ENPP3: variants seen among roughly 807,000 people sequenced by gnomAD.
The protein encoded by ENPP3 is ectonucleotide pyrophosphatase/phosphodiesterase 3.
In ENPP3, 104 loss-of-function variants were observed where a neutral mutation model predicts 117.8. That is an observed-to-expected ratio of 0.88 (90% CI 0.75 to 1.04). ENPP3 has a LOEUF of 1.04. Ranked by LOEUF, ENPP3 falls within the 50% of genes least tolerant of loss-of-function variation. The probability of loss-of-function intolerance (pLI) is 0.00; values close to 1 mark genes in which losing one functional copy is unlikely to be tolerated. For missense variants in ENPP3, 1,026 were observed against 1,051.9 expected, an observed-to-expected ratio of 0.98 and a Z score of 0.34; for synonymous variants, 380 against 349.9, an observed-to-expected ratio of 1.09 and a Z score of -0.96.
intron 6 of ENPP3, among the ~76,000 whole-genome samples, chr6:131,668,812 C>A (rs56708439): frequency 2.0e-5 from 3 of 152,112 alleles, no homozygotes; most frequent in African/African-American, 7.2e-5. Flanking sequence ...TGGTTTATTG[C>A]GTGTCTTTCC....
Position 131,677,883 on chromosome 6 carries a change from C to A in ENPP3, c.954C>A (p.Thr318=), listed in dbSNP as rs1039675463. The A allele has an allele frequency of 1.2e-6, 2 of 1,605,534 alleles. No individual in the cohort carries two copies. The highest frequency in any genetic ancestry group is 4.5e-5 in the East Asian group (2 of 44,804). ...LPKAERPRFY[T]MYFEEPDSSG... ...TTACCCCTAGACCCAGGTTTTATAC[C>A]ATGTATTTTGAAGAACCTGATTCCT... The change falls in exon 11 of 25, where the codon ACC becomes ACA. Residue 318 remains threonine (T), a synonymous_variant. Transcript: ENST00000357639.
chr6:131,648,067 G>A (rs1047353677), intron 2 of ENPP3, among the ~76,000 whole-genome samples: 1 of 151,978 alleles, frequency 6.6e-6, no homozygotes, highest in Non-Finnish European at 1.5e-5. Flanking sequence ...CCTGAAAGTT[G>A]TGAATTTATA....
In ENPP3 at chr6:131,746,904, C is replaced by G. The variant is rs1780648247; in HGVS notation, c.2576C>G (p.Ser859Cys). 1 of 1,611,588 alleles carries G rather than the reference C, an allele frequency of 6.2e-7. No homozygotes were observed. Among genetic ancestry groups the G allele is most frequent in the Admixed American group, 1.7e-5 (1 of 59,658 alleles). The change falls in exon 25 of 25, where the codon TCT (serine) becomes TGT (cysteine). Residue 859 changes from serine (S) to cysteine (C), a missense_variant. Transcript: ENST00000357639. ...TATCAGGATAAAGTGCAGCCTGTCTCTGAAATTTTGCAACTAAAGACATAT... is the reference window on the plus strand; with the variant it reads ...TATCAGGATAAAGTGCAGCCTGTCTGTGAAATTTTGCAACTAAAGACATAT... ...DFYQDKVQPV[S>C]EILQLKTYLP...
At chr6:131,719,130 C>T (rs1481966361) in intron 16 of ENPP3, among the ~76,000 whole-genome samples, 2 of 151,522 alleles carry the variant, frequency 1.3e-5, no homozygotes, top group Non-Finnish European at 2.9e-5. Context: ...TTTGGGGTAC[C>T]CTGGGGGGCA....
chr6:131,726,949 A>G (rs1780167635), intron 20 of ENPP3, among the ~76,000 whole-genome samples: 2 of 152,212 alleles, frequency 1.3e-5, no homozygotes, highest in South Asian at 2.1e-4. Context: ...GCATATCTTT[A>G]TGATCTTGTG....
Position 131,738,111 on chromosome 6 carries a change from A to G in ENPP3, c.2248A>G (p.Ile750Val). Residue 750 changes from isoleucine to valine, a missense_variant, in exon 23 of 25, where the codon ATA becomes GTA. Coordinates refer to ENST00000357639, the MANE Select transcript of ENPP3 (RefSeq NM_005021.5). ...RNGVNVVSGP[I>V]FDYNYDGHFD... ...TGGAGTAAATGTGGTTAGTGGACCA[A>G]TATTTGATTATAATTATGATGGCCA... 6.2e-7 allele frequency: 1 copy of G among 1,609,166 alleles called. No homozygotes were observed. The highest frequency in any genetic ancestry group is 8.5e-7 in the Non-Finnish European group (1 of 1,176,414).
At chr6:131,674,029 G>A in intron 7 of ENPP3, 133 bp from the exon 8 acceptor site, 1 of 579,656 alleles carries the variant, frequency 1.7e-6, no homozygotes, top group Admixed American at 3.2e-5. Context: ...TGTAAGTTCA[G>A]GTCCAGGTGT....
rs754431436 is a variant in ENPP3, at chr6:131,722,218, A to G, written c.1568-9A>G. On this transcript the variant is annotated splice_polypyrimidine_tract_variant and intron_variant, in intron 17 of 24. Coordinates refer to ENST00000357639, the MANE Select transcript of ENPP3 (RefSeq NM_005021.5). ...AAAGCTACTTTGAACTAATTTTTTC[A>G]AAAAACAGATCTTCTACGCATTCAA... The G allele has an allele frequency of 1.2e-6, 2 of 1,601,718 alleles. No homozygotes were observed. The highest frequency in any genetic ancestry group is 1.4e-5 in the African/African-American group (1 of 73,978).
Position 131,737,905 on chromosome 6 carries a change from C to T in ENPP3, c.2168-126C>T, listed in dbSNP as rs73777796. 2,508 of 631,196 alleles carry T rather than the reference C, an allele frequency of 4.0e-3. 36 individuals are homozygous for T. Among genetic ancestry groups the T allele is most frequent in the African/African-American group, 0.033 (1,733 of 52,194 alleles). The allele number at this position is 631,196 out of a possible 1,614,324, so 39.1% of individuals were successfully genotyped here. A position where few individuals can be genotyped will look rare whatever the true frequency, so the allele number is the denominator to read the frequency against. On this transcript the variant is annotated intron_variant, in intron 22 of 24. Transcript: ENST00000357639. ...TTGTGAAGCCTATTCTGGAGAATTA[C>T]CCAATCATCACTGGCAATTATTAAG...
At chr6:131,641,568 TTC>T in intron 2 of ENPP3, 38 bp downstream of exon 2, 1 of 1,258,124 alleles carries the variant, frequency 7.9e-7, no homozygotes. Context: ...ATTCCCTTAT[TTC>T]TTCTCTCTTC....
chr6:131,717,795 T>C (rs1026242683), intron 15 of ENPP3, among the ~76,000 whole-genome samples: 11 of 152,150 alleles, frequency 7.2e-5, no homozygotes, highest in African/African-American at 2.4e-4. Flanking sequence ...TATAACAACA[T>C]TTTGGCCAAC....
chr6:131,717,351 G>GGGTGTGT (rs1314774220), intron 15 of ENPP3, among the ~76,000 whole-genome samples: 3 of 89,422 alleles, frequency 3.4e-5, no homozygotes, highest in Non-Finnish European at 5.9e-5. Flanking sequence ...CCCTGCGGGG[G>GGGTGTGT]GTGTGTGTGT....
intron 15 of ENPP3, among the ~76,000 whole-genome samples, chr6:131,707,314 ATT>A (rs1481712153): frequency 2.4e-5 from 2 of 82,736 alleles, no homozygotes; most frequent in African/African-American, 1.8e-4. Context: ...GATATTTGAA[ATT>A]TGTTTTTTCC....
chr6:131,742,449 A>G (rs1236052868), intron 24 of ENPP3, among the ~76,000 whole-genome samples: 1 of 152,100 alleles, frequency 6.6e-6, no homozygotes, highest in Non-Finnish European at 1.5e-5. Flanking sequence ...TTGACCTTCT[A>G]TTAGGACTCT....
intron 2 of ENPP3, among the ~76,000 whole-genome samples, chr6:131,647,057 A>G (rs1392063050): frequency 7.0e-6 from 1 of 143,510 alleles, no homozygotes; most frequent in Non-Finnish European, 1.5e-5. Context: ...TATGCTTTGT[A>G]GAGACGGGGT....
intron 5 of ENPP3, among the ~76,000 whole-genome samples, chr6:131,654,197 G>A (rs143915671): frequency 7.0e-4 from 106 of 151,542 alleles, no homozygotes; most frequent in East Asian, 5.4e-3. Context: ...GCAGTGGCAC[G>A]ATCATAGCTC....
In ENPP3 at chr6:131,724,964, T is replaced by C. The variant is rs575921233; in HGVS notation, c.1798+873T>C. On this transcript the variant is annotated intron_variant, in intron 19 of 24. Coordinates refer to ENST00000357639, the MANE Select transcript of ENPP3 (RefSeq NM_005021.5). ...TGGCTCACACCTGTAATCCCAGCAC[T>C]TTGGGAGGCTGAGGCAGACAGATCA... is the stretch of plus-strand genomic sequence containing the variant. Among the ~76,000 whole-genome samples the C allele has an allele frequency of 2.0e-5, 3 of 151,898 alleles. No individual in the cohort carries two copies. The East Asian group carries it at 5.8e-4, about 29-fold the overall frequency.
At chr6:131,684,636 A>G (rs980055425) in intron 12 of ENPP3, among the ~76,000 whole-genome samples, 1 of 151,748 alleles carries the variant, frequency 6.6e-6, no homozygotes, top group Admixed American at 6.6e-5. Flanking sequence ...GTGAAGCGAG[A>G]TCACACCACT....
In ENPP3 at chr6:131,718,702, C is replaced by T. The variant is rs1431638502; in HGVS notation, c.1443C>T (p.Gly481=). 3 of 1,603,518 alleles carry T rather than the reference C, an allele frequency of 1.9e-6. No individual in the cohort carries two copies. The highest frequency in any genetic ancestry group is 1.7e-5 in the Admixed American group (1 of 59,490). ...AATCAAATACAAATTGTGGAGGAGG[C>T]AACCATGGTTATAACAATGAGTTTA... ...RSKSNTNCGG[G]NHGYNNEFRS... Residue 481 remains glycine (G), a synonymous_variant, in exon 16 of 25, where the codon GGC becomes GGT. Coordinates refer to ENST00000357639, the MANE Select transcript of ENPP3 (RefSeq NM_005021.5).
Sources: gnomAD v4.1 joint callset for allele counts (sites outside exome capture counted in the v4.1 genomes callset) on GRCh38, gnomAD v4.1.1 for gene constraint, MANE v1.5 for transcripts, NCBI Gene and HGNC (gene_info 2026-07-23, HGNC 2026-07-21) for gene names.